PCBP3: variants seen among roughly 807,000 people sequenced by gnomAD.
PCBP3 encodes poly(rC)-binding protein 3.
Under a neutral mutation model 52.7 loss-of-function variants are expected in PCBP3, and 25 were observed. The observed-to-expected ratio is 0.47, with a 90% CI of 0.35 to 0.66. PCBP3 has a LOEUF of 0.66. Ranked by LOEUF, PCBP3 falls within the 30% of genes least tolerant of loss-of-function variation. The probability of loss-of-function intolerance (pLI) is 0.01; values close to 1 mark genes in which losing one functional copy is unlikely to be tolerated. For missense variants in PCBP3, 391 were observed against 490.3 expected (o/e 0.80, Z 1.91); for synonymous variants, 162 against 183.0 (o/e 0.89, Z 0.93).
chr21:45,933,489 T>A (rs2076547970), intron 15 of PCBP3, among the ~76,000 whole-genome samples: 1 of 152,248 alleles, frequency 6.6e-6, no homozygotes, highest in South Asian at 2.1e-4. Context: ...TCATCTAAGG[T>A]CTACTTTGTT....
At chr21:45,849,406 A>G (rs1428278450) in intron 4 of PCBP3, among the ~76,000 whole-genome samples, 2 of 152,008 alleles carry the variant, frequency 1.3e-5, no homozygotes, top group African/African-American at 4.8e-5. Flanking sequence ...GGGTTTCACC[A>G]TGTTGCCCAG....
At chr21:45,895,688 T>G (rs1302550160) in intron 5 of PCBP3, among the ~76,000 whole-genome samples, 4 of 152,192 alleles carry the variant, frequency 2.6e-5, no homozygotes, top group Non-Finnish European at 5.9e-5. Flanking sequence ...GTTTGGCAGC[T>G]TGGTTGATGG....
chr21:45,860,983 C>T (rs545822139), intron 5 of PCBP3, among the ~76,000 whole-genome samples: 6 of 152,334 alleles, frequency 3.9e-5, no homozygotes, highest in Non-Finnish European at 8.8e-5. Context: ...TCCCCTCGCC[C>T]TCACTGGGCT....
At chr21:45,907,258 C>T (rs186016748) in intron 9 of PCBP3, among the ~76,000 whole-genome samples, 8 of 152,320 alleles carry the variant, frequency 5.3e-5, no homozygotes, top group African/African-American at 1.2e-4. Context: ...AGTCCTGGCT[C>T]ATTTTTGTTC....
rs1387425637 is a variant in PCBP3, at chr21:45,802,026, G to T, written c.-126+46574G>T. Among the ~76,000 whole-genome samples the T allele has an allele frequency of 6.6e-6, 1 of 152,176 alleles. No individual in the cohort carries two copies. Among genetic ancestry groups the T allele is most frequent in the Non-Finnish European group, 1.5e-5 (1 of 68,036 alleles). ...TGACTGTCCCTCTGTGGCTCTCGGGGTCTCCCCTCCTCTTCCTTGAGGGCA... is the reference window on the plus strand; with the variant it reads ...TGACTGTCCCTCTGTGGCTCTCGGGTTCTCCCCTCCTCTTCCTTGAGGGCA... On this transcript the variant is annotated intron_variant, in intron 4 of 17. Transcript: ENST00000681687. This position sits in a 1 kb window ranked among gnomAD's most constrained non-coding sequence, Gnocchi z 5.1.
At chr21:45,714,961 G>T (rs1048834292) in intron 2 of PCBP3, among the ~76,000 whole-genome samples, 1 of 152,098 alleles carries the variant, frequency 6.6e-6, no homozygotes, top group Non-Finnish European at 1.5e-5. Context: ...AGCAAAACAC[G>T]GTTTAACTGT....
chr21:45,850,482 G>A (rs913382152), intron 5 of PCBP3, among the ~76,000 whole-genome samples: 10 of 152,130 alleles, frequency 6.6e-5, no homozygotes, highest in Non-Finnish European at 1.3e-4. Flanking sequence ...GGTAATGAGA[G>A]CATCAGGAGT....
chr21:45,739,172 C>A (rs1569167880), intron 3 of PCBP3, among the ~76,000 whole-genome samples: 1 of 102,840 alleles, frequency 9.7e-6, no homozygotes, highest in Admixed American at 1.0e-4. Flanking sequence ...TCTGGGTGGC[C>A]CTCCCCCATC....
chr21:45,887,911 C>T (rs887313376), intron 5 of PCBP3, among the ~76,000 whole-genome samples: 4 of 152,224 alleles, frequency 2.6e-5, no homozygotes, highest in Admixed American at 6.5e-5. Context: ...CGAAGAGAGA[C>T]GAGCCAGACT....
intron 4 of PCBP3, among the ~76,000 whole-genome samples, chr21:45,834,832 CT>C (rs1345320103): frequency 1.3e-5 from 2 of 152,248 alleles, no homozygotes; most frequent in Non-Finnish European, 2.9e-5. Flanking sequence ...ACCTGGCACG[CT>C]TTTCGGCAGA....
intron 4 of PCBP3, among the ~76,000 whole-genome samples, chr21:45,812,798 C>T (rs976503866): frequency 6.6e-6 from 1 of 152,190 alleles, no homozygotes; most frequent in African/African-American, 2.4e-5. Context: ...GAAATTCTCT[C>T]TAAAATTTTA....
At chr21:45,855,149 G>A (rs569676421) in intron 5 of PCBP3, among the ~76,000 whole-genome samples, 79 of 152,300 alleles carry the variant, frequency 5.2e-4, no homozygotes, top group African/African-American at 1.7e-3. Flanking sequence ...GTCTGGCAGC[G>A]ATGCCCAAGT....
At chr21:45,790,130 A>G (rs1420639620) in intron 4 of PCBP3, among the ~76,000 whole-genome samples, 1 of 151,628 alleles carries the variant, frequency 6.6e-6, no homozygotes, top group Non-Finnish European at 1.5e-5. Context: ...ACTGAGTGAG[A>G]CTCCGTCTCA....
rs774437870 is a variant in PCBP3 at position 45,704,159 on chromosome 21, G to A, written c.-199-31233G>A. Among the ~76,000 whole-genome samples, 2 of 152,314 alleles carry A rather than the reference G, an allele frequency of 1.3e-5. No individual in the cohort carries two copies. Among genetic ancestry groups the A allele is most frequent in the East Asian group, 1.9e-4 (1 of 5,170 alleles). ...TGGTCAGCTGGAGGAAAGCCAAGGG[G>A]CACTGCCCAGCCGCTGAGTGGGTGG... On this transcript the variant is annotated intron_variant, in intron 2 of 17. Transcript: ENST00000681687. This position sits in a 1 kb window ranked among gnomAD's most constrained non-coding sequence, Gnocchi z 4.1.
intron 1 of PCBP3, among the ~76,000 whole-genome samples, chr21:45,667,942 CT>C (rs1311847125): frequency 6.6e-6 from 1 of 152,110 alleles, no homozygotes; most frequent in Non-Finnish European, 1.5e-5. Context: ...TGACTCTGTA[CT>C]TGAATAGTTT....
chr21:45,817,918 A>G lies in PCBP3; in HGVS notation c.-125-32043A>G, dbSNP rs200496307. Among the ~76,000 whole-genome samples the G allele has an allele frequency of 1.5e-4, 23 of 152,334 alleles. 1 individual carries two copies. The East Asian group carries it at 3.5e-3, about 23-fold the overall frequency. The stretch of plus-strand genomic sequence containing the variant: ...TTGTATTCTACAATACAGAAAAATT[A>G]TTGGAAAGTATAGAGCGTGCCACCT... On this transcript the variant is annotated intron_variant, in intron 4 of 17. Coordinates refer to ENST00000681687, the MANE Select transcript of PCBP3 (RefSeq NM_001384156.1). This position sits in a 1 kb window ranked among gnomAD's most constrained non-coding sequence, Gnocchi z 4.3.
chr21:45,669,139 TG>T (rs1240311814), intron 2 of PCBP3, 187 bp downstream of exon 2: 1 of 152,204 alleles, frequency 6.6e-6, no homozygotes, highest in Non-Finnish European at 1.5e-5. Context: ...TCTTTCTTTC[TG>T]GGACTCTGAT....
At chr21:45,857,999 A>T (rs1452759006) in intron 5 of PCBP3, among the ~76,000 whole-genome samples, 1 of 151,214 alleles carries the variant, frequency 6.6e-6, no homozygotes, top group Non-Finnish European at 1.5e-5. Context: ...CCATTCCCAC[A>T]CCCTTCCCAC....
intron 4 of PCBP3, among the ~76,000 whole-genome samples, chr21:45,795,181 T>A (rs1245984065): frequency 3.9e-5 from 6 of 152,204 alleles, no homozygotes; most frequent in Non-Finnish European, 7.3e-5. Flanking sequence ...ATTAATTCAG[T>A]ACCATAATGG....
Sources: gnomAD v4.1 joint callset for allele counts (sites outside exome capture counted in the v4.1 genomes callset) on GRCh38, gnomAD v4.1.1 for gene constraint, Gnocchi (gnomAD v3.1) non-coding constraint, MANE v1.5 for transcripts, NCBI Gene and HGNC (gene_info 2026-07-23, HGNC 2026-07-21) for gene names.